Variants in ADAMTSL1 observed in about 807,000 individuals in gnomAD.
The protein encoded by ADAMTSL1 is ADAMTS like 1.
In ADAMTSL1, 126 loss-of-function variants were observed where a neutral mutation model predicts 201.8. The ratio of observed to expected loss-of-function variants is 0.62; its 90% CI spans 0.54 to 0.72. The LOEUF (loss-of-function observed/expected upper bound fraction) is 0.72. Ranked by LOEUF, ADAMTSL1 falls within the 30% of genes least tolerant of loss-of-function variation. The probability of loss-of-function intolerance (pLI) is 0.00; values close to 1 mark genes in which losing one functional copy is unlikely to be tolerated. For missense variants in ADAMTSL1, 2,679 were observed against 2,277.8 expected (o/e 1.18, Z -3.59); for synonymous variants, 1,121 against 903.4 (o/e 1.24, Z -4.32).
intron 2 of ADAMTSL1, among the ~76,000 whole-genome samples, chr9:18,289,969 T>C (rs573980186): frequency 2.6e-5 from 4 of 152,078 alleles, no homozygotes; most frequent in Non-Finnish European, 5.9e-5. Flanking sequence ...TTATGGCAAA[T>C]GGAGATGATA....
At chr9:18,697,127 C>T (rs988276031) in intron 13 of ADAMTSL1, among the ~76,000 whole-genome samples, 1 of 151,882 alleles carries the variant, frequency 6.6e-6, no homozygotes, top group South Asian at 2.1e-4. Flanking sequence ...CGTGATCTGC[C>T]CACCTCAGCC....
intron 22 of ADAMTSL1, among the ~76,000 whole-genome samples, chr9:18,827,880 T>C (rs1005214274): frequency 2.6e-5 from 4 of 152,256 alleles, no homozygotes; most frequent in Non-Finnish European, 2.9e-5. Context: ...TTAAGGCTTT[T>C]CTTGATCACA....
At chr9:18,333,846 C>G (rs2132924759) in intron 2 of ADAMTSL1, among the ~76,000 whole-genome samples, 1 of 152,200 alleles carries the variant, frequency 6.6e-6, no homozygotes, top group African/African-American at 2.4e-5. Context: ...ATATGACAGG[C>G]AATATTCTTA....
intron 2 of ADAMTSL1, among the ~76,000 whole-genome samples, chr9:18,347,626 C>T (rs7023268): frequency 0.71 from 107,510 of 152,026 alleles, 38,567 homozygotes; most frequent in African/African-American, 0.75. Context: ...CCTTTCTTTC[C>T]CTATAATGAA....
chr9:18,468,762 T>C (rs1180082545), intron 2 of ADAMTSL1, among the ~76,000 whole-genome samples: 1 of 152,196 alleles, frequency 6.6e-6, no homozygotes, highest in Non-Finnish European at 1.5e-5. Context: ...ATTCCTTTCT[T>C]CTACTGACTG....
At chr9:18,696,008 G>A (rs980584420) in intron 13 of ADAMTSL1, among the ~76,000 whole-genome samples, 3 of 152,150 alleles carry the variant, frequency 2.0e-5, no homozygotes, top group Admixed American at 6.5e-5. Context: ...AGAGAAGGAG[G>A]AAGAGGGCAA....
chr9:18,003,985 A>G (rs1246634503), intron 1 of ADAMTSL1, among the ~76,000 whole-genome samples: 2 of 152,094 alleles, frequency 1.3e-5, no homozygotes, highest in Admixed American at 1.3e-4. Context: ...AGTGTTTAAA[A>G]ACAATTAAGC....
intron 6 of ADAMTSL1, among the ~76,000 whole-genome samples, chr9:18,638,382 G>A (rs886795248): frequency 5.3e-5 from 8 of 152,026 alleles, no homozygotes; most frequent in Non-Finnish European, 1.0e-4. Context: ...AAAACCAAAC[G>A]TTCTTGTCAA....
intron 2 of ADAMTSL1, among the ~76,000 whole-genome samples, chr9:18,398,997 A>G (rs530877061): frequency 2.6e-5 from 4 of 152,028 alleles, no homozygotes; most frequent in South Asian, 2.1e-4. Context: ...GTTGAAGTGT[A>G]AGGGTAGGGA....
intron 1 of ADAMTSL1, among the ~76,000 whole-genome samples, chr9:18,005,984 A>G (rs1819803142): frequency 6.6e-6 from 1 of 151,942 alleles, no homozygotes; most frequent in East Asian, 1.9e-4. Flanking sequence ...GTATGAGATC[A>G]TGTATGTGTG....
At chr9:18,673,648 T>C (rs1212101893) in intron 9 of ADAMTSL1, among the ~76,000 whole-genome samples, 3 of 152,192 alleles carry the variant, frequency 2.0e-5, no homozygotes, top group African/African-American at 7.2e-5. Flanking sequence ...TTAAATATCA[T>C]CAGCTGATAA....
At chr9:18,731,937 C>T (rs1011542937) in intron 15 of ADAMTSL1, among the ~76,000 whole-genome samples, 2 of 152,198 alleles carry the variant, frequency 1.3e-5, no homozygotes, top group African/African-American at 4.8e-5. Flanking sequence ...CCACCTCCAA[C>T]ATTAGGGATT....
rs1770987016 is a variant in ADAMTSL1, at chr9:18,542,092, G to A, written c.237+8800G>A. ...GAGCAGGGAGGGACTGAATAAGTTA[G>A]GGGGACTTTCATTTTTTATTCTATA... On this transcript the variant is annotated intron_variant, in intron 3 of 28. Coordinates refer to ENST00000380548, the MANE Select transcript of ADAMTSL1 (RefSeq NM_001040272.6). Among the ~76,000 whole-genome samples, 3 of 152,118 alleles carry A rather than the reference G, an allele frequency of 2.0e-5. No individual in the cohort carries two copies. In the East Asian group the frequency reaches 5.8e-4, roughly 29 times the overall value.
intron 1 of ADAMTSL1, among the ~76,000 whole-genome samples, chr9:17,972,063 C>T (rs1404244686): frequency 6.6e-6 from 1 of 151,776 alleles, no homozygotes; most frequent in African/African-American, 2.4e-5. Flanking sequence ...TACCACTATA[C>T]ACTAATTAAC....
chr9:18,030,528 G>A (rs975188434), intron 1 of ADAMTSL1, among the ~76,000 whole-genome samples: 3 of 151,814 alleles, frequency 2.0e-5, no homozygotes, highest in Non-Finnish European at 2.9e-5. Flanking sequence ...TTGTGCACAT[G>A]TACCCTAAAA....
intron 2 of ADAMTSL1, among the ~76,000 whole-genome samples, chr9:18,375,799 C>T (rs1197822182): frequency 6.6e-6 from 1 of 152,186 alleles, no homozygotes; most frequent in East Asian, 1.9e-4. Flanking sequence ...CTTTTTTGTC[C>T]CTGCCCATGT....
intron 2 of ADAMTSL1, among the ~76,000 whole-genome samples, chr9:18,421,347 G>T (rs1818938481): frequency 1.3e-5 from 2 of 151,944 alleles, no homozygotes; most frequent in Admixed American, 1.3e-4. Flanking sequence ...CATTCATACT[G>T]CAAAGTTCTT....
intron 2 of ADAMTSL1, among the ~76,000 whole-genome samples, chr9:18,197,949 T>A (rs562356367): frequency 6.6e-6 from 1 of 151,924 alleles, no homozygotes; most frequent in Non-Finnish European, 1.5e-5. Flanking sequence ...TCAGAAATAA[T>A]GCCGCATATC....
chr9:18,181,457 C>T (rs145341648), intron 2 of ADAMTSL1, among the ~76,000 whole-genome samples: 3,830 of 151,822 alleles, frequency 0.025, 182 homozygotes, highest in African/African-American at 0.089. Flanking sequence ...ACAAACAACC[C>T]GATCAAAAAG....
Sources: allele counts gnomAD v4.1 joint callset (sites outside exome capture counted in the v4.1 genomes callset), GRCh38; gene constraint gnomAD v4.1.1; transcripts MANE v1.5; gene names NCBI Gene and HGNC (gene_info 2026-07-23, HGNC 2026-07-21).